Variants in CACNA2D3 observed in about 807,000 individuals in gnomAD.
CACNA2D3 encodes calcium voltage-gated channel auxiliary subunit alpha2delta 3.
In CACNA2D3, 60 loss-of-function variants were observed where a neutral mutation model predicts 160.6. The observed-to-expected ratio is 0.37, with a 90% CI of 0.30 to 0.46. The LOEUF is 0.46. Among genes scored for constraint, CACNA2D3 ranks in the 20% least tolerant of loss-of-function variants. The probability of loss-of-function intolerance (pLI) is 1.00; values close to 1 mark genes in which losing one functional copy is unlikely to be tolerated. For synonymous variants in CACNA2D3, 558 were observed against 492.9 expected, an observed-to-expected ratio of 1.13 and a Z score of -1.75; for missense variants, 1,205 against 1,365.0, an observed-to-expected ratio of 0.88 and a Z score of 1.85.
intron 31 of CACNA2D3, 117 bp from the exon 32 acceptor site, chr3:55,004,646 A>G: frequency 1.5e-6 from 1 of 678,450 alleles, no homozygotes; most frequent in Admixed American, 2.4e-5. Context: ...TTAGGGCTGC[A>G]TGGTGTTTGT....
intron 13 of CACNA2D3, among the ~76,000 whole-genome samples, chr3:54,807,226 C>G (rs1444857712): frequency 6.6e-6 from 1 of 152,162 alleles, no homozygotes; most frequent in African/African-American, 2.4e-5. Context: ...AACTGAAGAG[C>G]TTCTGCACAG....
chr3:54,908,202 A>G (rs1700486235), intron 27 of CACNA2D3, among the ~76,000 whole-genome samples: 1 of 152,218 alleles, frequency 6.6e-6, no homozygotes, highest in African/African-American at 2.4e-5. Context: ...ATTTTTCTAC[A>G]TCCTTTCTAA....
chr3:55,059,468 G>A (rs959670029), intron 35 of CACNA2D3, among the ~76,000 whole-genome samples: 3 of 152,190 alleles, frequency 2.0e-5, no homozygotes, highest in Admixed American at 2.0e-4. Flanking sequence ...TCTGGCTGTG[G>A]CTGCTGCTCA....
intron 3 of CACNA2D3, among the ~76,000 whole-genome samples, chr3:54,365,467 C>A (rs1698812424): frequency 1.3e-5 from 2 of 152,184 alleles, no homozygotes; most frequent in Admixed American, 6.5e-5. Context: ...TTTTTCCTTT[C>A]CTCCTTCCCT....
Position 54,122,842 on chromosome 3 carries a change from G to T in CACNA2D3, c.122+7G>T, listed in dbSNP as rs1169849201. ...AGCAGATACCGCTCTCCGTGTAAGT[G>T]CCGGCTCCTGCGCCGCCCGGGGAGG... On this transcript the variant is annotated splice_region_variant and intron_variant, in intron 1 of 37. Transcript: ENST00000474759. 2 of 1,227,796 alleles carry T rather than the reference G, an allele frequency of 1.6e-6. No homozygotes were observed. The highest frequency in any genetic ancestry group is 2.0e-6 in the Non-Finnish European group (2 of 980,088). 76.1% of individuals were successfully genotyped at this position (1,227,796 alleles called of 1,614,324 possible).
chr3:54,280,068 GTTTATTTA>G (rs71617794), intron 2 of CACNA2D3, among the ~76,000 whole-genome samples: 20,083 of 135,338 alleles, frequency 0.15, 1,558 homozygotes, highest in East Asian at 0.29. Context: ...TTGTTTGTTT[GTTTATTTA>G]TTTATTTATT....
chr3:54,832,275 GTGTGTGTGCACACTTC>G (rs1703897978), intron 14 of CACNA2D3, among the ~76,000 whole-genome samples: 2 of 152,290 alleles, frequency 1.3e-5, no homozygotes, highest in South Asian at 4.1e-4. Context: ...CGCGCAGAGT[GTGTGTGTGCACACTTC>G]TGTGTGTGAA....
At chr3:54,878,742 G>A (rs568959097) in intron 18 of CACNA2D3, 8 of 283,618 alleles carry the variant, frequency 2.8e-5, no homozygotes, top group African/African-American at 1.1e-4. Context: ...AGGAGTTCAC[G>A]CTCTGACCCC....
At chr3:55,056,335 G>T (rs990720505) in intron 35 of CACNA2D3, among the ~76,000 whole-genome samples, 1 of 152,166 alleles carries the variant, frequency 6.6e-6, no homozygotes, top group African/African-American at 2.4e-5. Flanking sequence ...GGAGAAAAGC[G>T]AAACTTTGTA....
intron 5 of CACNA2D3, among the ~76,000 whole-genome samples, chr3:54,548,532 T>A (rs1490612999): frequency 6.6e-6 from 1 of 152,056 alleles, no homozygotes; most frequent in Non-Finnish European, 1.5e-5. Flanking sequence ...AAAAACAAAT[T>A]AAGGGGCAGA....
chr3:54,704,707 A>T (rs1273136664), intron 11 of CACNA2D3, among the ~76,000 whole-genome samples: 1 of 152,026 alleles, frequency 6.6e-6, no homozygotes, highest in Non-Finnish European at 1.5e-5. Flanking sequence ...ACCCCATCTA[A>T]CATGAGGCAG....
At chr3:54,864,338 A>G (rs112373634) in intron 17 of CACNA2D3, among the ~76,000 whole-genome samples, 40,010 of 151,654 alleles carry the variant, frequency 0.26, 6,259 homozygotes, top group Non-Finnish European at 0.36. Context: ...CGGTGGCACA[A>G]TCTCAGCCCA....
chr3:55,036,508 C>G (rs1283607686), intron 35 of CACNA2D3, among the ~76,000 whole-genome samples: 1 of 151,462 alleles, frequency 6.6e-6, no homozygotes, highest in Admixed American at 6.6e-5. Flanking sequence ...CACTCTGTTG[C>G]CCAGGCTGGA....
At chr3:54,713,961 G>A (rs976083126) in intron 11 of CACNA2D3, among the ~76,000 whole-genome samples, 1 of 152,156 alleles carries the variant, frequency 6.6e-6, no homozygotes, top group Non-Finnish European at 1.5e-5. Context: ...CATATGTGAT[G>A]ATGGTTTTTG....
intron 17 of CACNA2D3, among the ~76,000 whole-genome samples, chr3:54,852,846 G>T (rs895394265): frequency 1.3e-5 from 2 of 152,086 alleles, no homozygotes; most frequent in Non-Finnish European, 2.9e-5. Context: ...TTTAAATAAG[G>T]GTTTAAAAAG....
At chr3:54,149,925 CTCTCTCCCTCCCT>C (rs1700111605) in intron 2 of CACNA2D3, among the ~76,000 whole-genome samples, 13 of 67,844 alleles carry the variant, frequency 1.9e-4, no homozygotes, top group African/African-American at 7.0e-4. Context: ...CTCTCTCTCT[CTCTCTCCCTCCCT>C]CCCTCCCTCC....
intron 2 of CACNA2D3, chr3:54,178,041 A>G (rs1441563100): frequency 6.6e-6 from 1 of 152,158 alleles, no homozygotes; most frequent in Admixed American, 6.5e-5. Flanking sequence ...TCCTCACTCC[A>G]GTTTCCATAG....
At chr3:54,136,684 T>C (rs949202600) in intron 2 of CACNA2D3, among the ~76,000 whole-genome samples, 7 of 152,242 alleles carry the variant, frequency 4.6e-5, no homozygotes, top group African/African-American at 1.4e-4. Flanking sequence ...GCCCTGTTTA[T>C]ACTGCCGACC....
At chr3:54,737,806 A>G (rs1441782894) in intron 11 of CACNA2D3, among the ~76,000 whole-genome samples, 1 of 152,132 alleles carries the variant, frequency 6.6e-6, no homozygotes, top group Non-Finnish European at 1.5e-5. Flanking sequence ...CTGGGATTGT[A>G]GGTGTGCTTC....
Sources: allele counts gnomAD v4.1 joint callset (sites outside exome capture counted in the v4.1 genomes callset), GRCh38; gene constraint gnomAD v4.1.1; transcripts MANE v1.5; gene names NCBI Gene and HGNC (gene_info 2026-07-23, HGNC 2026-07-21).